ATOSA: variants seen among roughly 807,000 people sequenced by gnomAD.
ATOSA encodes the protein atos homolog A.
At chr15:52,688,698 G>T in the ATOSA span, among the ~76,000 whole-genome samples, 1 of 152,162 alleles carries the variant, frequency 6.6e-6, no homozygotes, top group Non-Finnish European at 1.5e-5. Context: ...TTTATCTGAA[G>T]GTATAGTACT....
chr15:52,600,981 T>G, the ATOSA span: 3 of 739,854 alleles, frequency 4.1e-6, no homozygotes, highest in Non-Finnish European at 4.5e-6. Flanking sequence ...CTAAATAAGA[T>G]TCCTGTTACA....
chr15:52,682,322 A>G, the ATOSA span, among the ~76,000 whole-genome samples: 1 of 152,064 alleles, frequency 6.6e-6, no homozygotes, highest in South Asian at 2.1e-4. Context: ...CCCATCCCCC[A>G]TCTGTGAATG....
At chr15:52,611,951 A>G in the ATOSA span, among the ~76,000 whole-genome samples, 1 of 152,154 alleles carries the variant, frequency 6.6e-6, no homozygotes, top group East Asian at 1.9e-4. Flanking sequence ...ATCTATGCTT[A>G]GTGAGCTCTA....
At chr15:52,584,345 T>A in the ATOSA span, among the ~76,000 whole-genome samples, 1 of 152,020 alleles carries the variant, frequency 6.6e-6, no homozygotes, top group African/African-American at 2.4e-5. Flanking sequence ...TTTCACTATG[T>A]TGGCCAGGTT....
At chr15:52,682,474 A>G in the ATOSA span, among the ~76,000 whole-genome samples, 1 of 152,172 alleles carries the variant, frequency 6.6e-6, no homozygotes, top group Non-Finnish European at 1.5e-5. Context: ...TGACTAAGAA[A>G]AAGAATGGAG....
the ATOSA span, among the ~76,000 whole-genome samples, chr15:52,620,423 T>C: frequency 6.6e-6 from 1 of 152,148 alleles, no homozygotes; most frequent in Non-Finnish European, 1.5e-5. Flanking sequence ...CACTACTCAT[T>C]ATACACACAC....
the ATOSA span, among the ~76,000 whole-genome samples, chr15:52,696,720 TTA>T: frequency 6.6e-6 from 1 of 152,114 alleles, no homozygotes; most frequent in Admixed American, 6.6e-5. Context: ...CACTTTGAAA[TTA>T]TATTAGACCT....
At chr15:52,641,037 A>G in the ATOSA span, among the ~76,000 whole-genome samples, 1 of 152,240 alleles carries the variant, frequency 6.6e-6, no homozygotes, top group Non-Finnish European at 1.5e-5. Context: ...TTGAAAAGAC[A>G]TGCAGTCTTG....
the ATOSA span, among the ~76,000 whole-genome samples, chr15:52,594,908 A>G: frequency 1.2e-4 from 18 of 152,272 alleles, no homozygotes; most frequent in African/African-American, 4.3e-4. Context: ...CCTGCTGTCT[A>G]TAGGATGAGG....
At chr15:52,636,715 G>A in the ATOSA span, among the ~76,000 whole-genome samples, 1 of 152,078 alleles carries the variant, frequency 6.6e-6, no homozygotes, top group African/African-American at 2.4e-5. Flanking sequence ...TAATATTCAA[G>A]GATAAACAAA....
At chr15:52,676,251 T>TAAA in the ATOSA span, among the ~76,000 whole-genome samples, 21 of 152,136 alleles carry the variant, frequency 1.4e-4, no homozygotes, top group African/African-American at 5.1e-4. Context: ...CCAATGTAGT[T>TAAA]TAAAAAAAAA....
the ATOSA span, among the ~76,000 whole-genome samples, chr15:52,598,110 T>G: frequency 1.4e-4 from 22 of 151,836 alleles, no homozygotes; most frequent in Non-Finnish European, 2.8e-4. Context: ...GGGAACAGAG[T>G]GAGACTCTGT....
chr15:52,605,841 T>C, the ATOSA span, among the ~76,000 whole-genome samples: 1 of 152,088 alleles, frequency 6.6e-6, no homozygotes, highest in Non-Finnish European at 1.5e-5. Context: ...ATATATTCCA[T>C]GAACCCCAGT....
the ATOSA span, among the ~76,000 whole-genome samples, chr15:52,686,751 A>T: frequency 1.3e-5 from 2 of 152,086 alleles, no homozygotes; most frequent in African/African-American, 4.8e-5. Flanking sequence ...TGTTTTCCAG[A>T]CTGGTCTCTA....
chr15:52,606,595 A>G, the ATOSA span, among the ~76,000 whole-genome samples: 5 of 152,188 alleles, frequency 3.3e-5, no homozygotes, highest in African/African-American at 1.2e-4. Context: ...GGTACATGAA[A>G]AAAATGAACC....
chr15:52,707,092 T>C, the ATOSA span, among the ~76,000 whole-genome samples: 1 of 152,210 alleles, frequency 6.6e-6, no homozygotes, highest in Non-Finnish European at 1.5e-5. Context: ...GACTTCCTTA[T>C]AACAGAATGT....
the ATOSA span, chr15:52,601,194 T>TAA: frequency 4.0e-5 from 51 of 1,288,148 alleles, no homozygotes; most frequent in Admixed American, 1.5e-4. Context: ...TTTGTGATAT[T>TAA]AAAAAAAAAA....
the ATOSA span, among the ~76,000 whole-genome samples, chr15:52,626,528 T>TG: frequency 8.9e-5 from 2 of 22,490 alleles, no homozygotes; most frequent in African/African-American, 2.3e-4. Context: ...AAGGGAAAGC[T>TG]GAAAAAAAAA....
At chr15:52,615,251 G>A in the ATOSA span, among the ~76,000 whole-genome samples, 11 of 152,168 alleles carry the variant, frequency 7.2e-5, no homozygotes, top group African/African-American at 2.7e-4. Flanking sequence ...CGTAGTTATG[G>A]TAATTTAAAT....
Sources: allele counts gnomAD v4.1 joint callset (sites outside exome capture counted in the v4.1 genomes callset), GRCh38; gene constraint gnomAD v4.1.1; transcripts MANE v1.5; gene names NCBI Gene and HGNC (gene_info 2026-07-23, HGNC 2026-07-21).